The following ERI3 variants were observed in gnomAD, a reference collection of about 807,000 sequenced individuals.
ERI3 encodes ERI1 exoribonuclease 3.
A neutral mutation model predicts 44.4 loss-of-function variants in ERI3; 18 were observed. The ratio of observed to expected loss-of-function variants is 0.41; its 90% CI spans 0.28 to 0.60. The LOEUF (loss-of-function observed/expected upper bound fraction) is 0.60. ERI3 is among the 20% of genes least tolerant of loss of function. ERI3 has a pLI of 0.36. For synonymous variants in ERI3, 183 were observed against 164.8 expected (o/e 1.11, Z -0.84); for missense variants, 294 against 435.5 (o/e 0.68, Z 2.89).
At chr1:44,259,920 T>TAGATAGATAGATAGACAGAC (rs778936296) in intron 7 of ERI3, among the ~76,000 whole-genome samples, 83 of 129,732 alleles carry the variant, frequency 6.4e-4, no homozygotes, top group African/African-American at 1.7e-3. Context: ...GATAGATAGA[T>TAGATAGATAGATAGACAGAC]AGACAGACAG....
intron 7 of ERI3, among the ~76,000 whole-genome samples, chr1:44,273,607 T>C (rs949092184): frequency 6.6e-6 from 1 of 152,204 alleles, no homozygotes; most frequent in Admixed American, 6.5e-5. Flanking sequence ...GGGTGGTATA[T>C]TGACTTCAGT....
intron 6 of ERI3, among the ~76,000 whole-genome samples, chr1:44,304,236 T>A (rs942948486): frequency 6.6e-6 from 1 of 152,014 alleles, no homozygotes; most frequent in Non-Finnish European, 1.5e-5. Context: ...GAGAAAAAGA[T>A]TAGAAGACAT....
At chr1:44,242,576 A>G (rs1427370408) in intron 8 of ERI3, among the ~76,000 whole-genome samples, 1 of 152,216 alleles carries the variant, frequency 6.6e-6, no homozygotes, top group Admixed American at 6.5e-5. Flanking sequence ...TCTGGGAAGC[A>G]AGAACCCTCT....
intron 2 of ERI3, among the ~76,000 whole-genome samples, chr1:44,347,373 A>G (rs1646805654): frequency 6.6e-6 from 1 of 152,230 alleles, no homozygotes; most frequent in Admixed American, 6.5e-5. Flanking sequence ...ACAAAATTCC[A>G]CAGGAGCAAA....
chr1:44,298,161 T>C (rs1296074402), intron 6 of ERI3, among the ~76,000 whole-genome samples: 1 of 152,264 alleles, frequency 6.6e-6, no homozygotes, highest in East Asian at 1.9e-4. Context: ...TATTCACTGC[T>C]GTATCCTTAA....
intron 8 of ERI3, chr1:44,244,292 A>C (rs1252689063): frequency 6.5e-6 from 1 of 153,490 alleles, no homozygotes; most frequent in African/African-American, 2.4e-5. Flanking sequence ...CCAAGGCCAA[A>C]TCCGCTACCC....
At chr1:44,354,560 T>C (rs1646958338) in intron 1 of ERI3, 6 of 985,278 alleles carry the variant, frequency 6.1e-6, no homozygotes. Context: ...AGAGGTAAAC[T>C]GCTAACCTGG....
In ERI3 at chr1:44,285,735, T is replaced by C. The variant is rs571703473; in HGVS notation, c.759-828A>G. On this transcript the variant is annotated intron_variant, in intron 6 of 8. Transcript: ENST00000372257. ...TCTTGACCGTAAAGGGCTCAGTTTG[T>C]TCAGAGGTATGGGCAATGAAAGAAA... Among the ~76,000 whole-genome samples the C allele has an allele frequency of 1.7e-4, 26 of 152,278 alleles. No individual in the cohort carries two copies. In the South Asian group the frequency reaches 5.0e-3, roughly 29 times the overall value.
At chr1:44,351,603 C>G (rs1044152033) in intron 2 of ERI3, among the ~76,000 whole-genome samples, 2 of 152,180 alleles carry the variant, frequency 1.3e-5, no homozygotes, top group African/African-American at 4.8e-5. Flanking sequence ...TATTTACTAT[C>G]TTATCCATTA....
intron 8 of ERI3, chr1:44,230,320 T>G (rs1260626944): frequency 6.6e-6 from 1 of 152,078 alleles, no homozygotes; most frequent in Non-Finnish European, 1.5e-5. Context: ...GCCTCACCTT[T>G]CTCCTGGTCT....
At chr1:44,329,079 C>T (rs1646376067) in intron 3 of ERI3, among the ~76,000 whole-genome samples, 1 of 152,200 alleles carries the variant, frequency 6.6e-6, no homozygotes, top group African/African-American at 2.4e-5. Context: ...TCAGAGTGCT[C>T]AGCACACTAT....
intron 4 of ERI3, among the ~76,000 whole-genome samples, chr1:44,314,531 A>ATGCCCACAGC (rs1646042347): frequency 1.3e-5 from 2 of 152,236 alleles, no homozygotes; most frequent in South Asian, 4.1e-4. Context: ...GTTGTTTTGC[A>ATGCCCACAGC]AAGCTTTAAC....
intron 7 of ERI3, chr1:44,283,931 C>T (rs575244488): frequency 2.2e-6 from 1 of 461,092 alleles, no homozygotes; most frequent in South Asian, 1.6e-5. Flanking sequence ...CCTCGCCATA[C>T]CTAGCCTCAC....
chr1:44,322,901 T>C lies in ERI3; in HGVS notation c.490-3157A>G, dbSNP rs1466641900. On this transcript the variant is annotated intron_variant, in intron 3 of 8. Transcript: ENST00000372257. ...ATTTTTAGCTGATAATGATCAGAGATGGAACCCCAACACTACAGGTTAGTG... is the reference window on the plus strand; with the variant it reads ...ATTTTTAGCTGATAATGATCAGAGACGGAACCCCAACACTACAGGTTAGTG... 5 of 1,531,086 alleles carry C rather than the reference T, an allele frequency of 3.3e-6. No homozygotes were observed. In the African/African-American group the frequency reaches 4.1e-5, roughly 13 times the overall value. The allele number at this position is 1,531,086 out of a possible 1,614,324, so 94.8% of individuals were successfully genotyped here.
chr1:44,342,859 T>TATGTA (rs1557868067), intron 2 of ERI3, among the ~76,000 whole-genome samples: 1 of 11,994 alleles, frequency 8.3e-5, no homozygotes, highest in Non-Finnish European at 1.5e-4. Flanking sequence ...ATATATATAT[T>TATGTA]TTTTTTTTTT....
chr1:44,272,357 A>G (rs530012680), intron 7 of ERI3, among the ~76,000 whole-genome samples: 3 of 152,282 alleles, frequency 2.0e-5, no homozygotes, highest in South Asian at 2.1e-4. Context: ...GTGAGTAGCA[A>G]TATTAGAAAT....
At chr1:44,323,628 A>G (rs1156544537) in intron 3 of ERI3, among the ~76,000 whole-genome samples, 1 of 152,232 alleles carries the variant, frequency 6.6e-6, no homozygotes. Context: ...TCTCCAAGAC[A>G]TGTGGAAAAT....
intron 3 of ERI3, among the ~76,000 whole-genome samples, chr1:44,323,866 C>G (rs1420052546): frequency 6.6e-6 from 1 of 152,198 alleles, no homozygotes; most frequent in African/African-American, 2.4e-5. Context: ...AAGAGTAGGA[C>G]TAGCAGCTTT....
intron 6 of ERI3, among the ~76,000 whole-genome samples, chr1:44,295,527 G>T (rs188556744): frequency 6.6e-6 from 1 of 152,274 alleles, no homozygotes; most frequent in South Asian, 2.1e-4. Context: ...GGCTACTACC[G>T]GAATGCCAGC....
Sources: gnomAD v4.1 joint callset for allele counts (sites outside exome capture counted in the v4.1 genomes callset) on GRCh38, gnomAD v4.1.1 for gene constraint, MANE v1.5 for transcripts, NCBI Gene and HGNC (gene_info 2026-07-23, HGNC 2026-07-21) for gene names.